PRIM2: variants seen among roughly 807,000 people sequenced by gnomAD.
PRIM2 encodes the protein DNA primase large subunit.
PRIM2 carries 39 observed loss-of-function variants against 67.3 expected under a neutral mutation model. The ratio of observed to expected loss-of-function variants is 0.58; its 90% CI spans 0.45 to 0.76. PRIM2 has a LOEUF of 0.76. PRIM2 is among the 30% of genes least tolerant of loss of function. The pLI is 0.00. For missense variants in PRIM2, 398 were observed against 598.7 expected (o/e 0.66, Z 3.50); for synonymous variants, 143 against 198.7 (o/e 0.72, Z 2.36).
the PRIM2 span, among the ~76,000 whole-genome samples, chr6:57,302,033 A>C: frequency 6.6e-5 from 10 of 152,228 alleles, no homozygotes; most frequent in African/African-American, 2.4e-4. Flanking sequence ...AAGCTAAGAC[A>C]GAACTTTCAG....
the PRIM2 span, among the ~76,000 whole-genome samples, chr6:57,265,074 T>A: frequency 6.6e-6 from 1 of 152,208 alleles, no homozygotes; most frequent in Admixed American, 6.5e-5. Flanking sequence ...GAAAGCAATT[T>A]GTAAGCTGTA....
At chr6:57,534,627 A>T (rs1224862666) in intron 9 of PRIM2, among the ~76,000 whole-genome samples, 1 of 152,182 alleles carries the variant, frequency 6.6e-6, no homozygotes, top group Admixed American at 6.5e-5. Context: ...ATTGAATCAC[A>T]TCAGTCTTCT....
At position 57,452,561 on chromosome 6, in the gene PRIM2, T is replaced by C. The variant is rs1165916201; in HGVS notation, c.694-54826T>C. Among the ~76,000 whole-genome samples, 63 of 152,376 alleles carry C rather than the reference T, an allele frequency of 4.1e-4. 1 individual carries two copies. Among genetic ancestry groups the C allele is most frequent in the African/African-American group, 1.1e-3 (46 of 41,600 alleles). On this transcript the variant is annotated intron_variant, in intron 7 of 13. Coordinates refer to ENST00000615550, the MANE Select transcript of PRIM2 (RefSeq NM_000947.5). ...GATGATGAGCGTTTTTTCATGTGTC[T>C]TTTGGCTGCATAAATGTCTTCTTTT... is the stretch of plus-strand genomic sequence containing the variant.
intron 7 of PRIM2, among the ~76,000 whole-genome samples, chr6:57,477,900 A>G (rs1263490567): frequency 1.3e-5 from 2 of 152,368 alleles, no homozygotes; most frequent in East Asian, 3.9e-4. Flanking sequence ...CTTTTATAGC[A>G]TAGTATTCCC....
At chr6:57,504,329 T>TA (rs1774208367) in intron 7 of PRIM2, among the ~76,000 whole-genome samples, 1 of 152,214 alleles carries the variant, frequency 6.6e-6, no homozygotes, top group Non-Finnish European at 1.5e-5. Flanking sequence ...TATTAGTTGG[T>TA]AAAATGCATT....
the PRIM2 span, among the ~76,000 whole-genome samples, chr6:57,288,893 TCTC>T: frequency 6.6e-6 from 1 of 152,068 alleles, no homozygotes; most frequent in African/African-American, 2.4e-5. Flanking sequence ...GCACACCTCT[TCTC>T]CTCCAAAGGA....
At chr6:57,494,120 T>C (rs1266258315) in intron 7 of PRIM2, among the ~76,000 whole-genome samples, 1 of 152,242 alleles carries the variant, frequency 6.6e-6, no homozygotes, top group African/African-American at 2.4e-5. Context: ...ATGCTTACTT[T>C]ACCCCAACTC....
At chr6:57,444,820 A>G (rs987740312) in intron 7 of PRIM2, among the ~76,000 whole-genome samples, 2 of 151,866 alleles carry the variant, frequency 1.3e-5, no homozygotes, top group Non-Finnish European at 2.9e-5. Context: ...CATAGTATGT[A>G]TTCTGGTTTT....
chr6:57,582,389 G>A (rs1193814045), intron 10 of PRIM2, among the ~76,000 whole-genome samples: 6 of 151,960 alleles, frequency 3.9e-5, no homozygotes, highest in African/African-American at 4.8e-5. Context: ...GTTCCTTGTC[G>A]TGTCCTCAAC....
chr6:57,490,219 C>G (rs1773857602), intron 7 of PRIM2, among the ~76,000 whole-genome samples: 1 of 152,114 alleles, frequency 6.6e-6, no homozygotes, highest in South Asian at 2.1e-4. Context: ...AAAGAGTTAC[C>G]CTTTAAAGGA....
chr6:57,247,769 C>T, the PRIM2 span, among the ~76,000 whole-genome samples: 2 of 152,148 alleles, frequency 1.3e-5, no homozygotes, highest in Non-Finnish European at 2.9e-5. Context: ...CCTTTGGCAA[C>T]TAATTTCTGT....
intron 12 of PRIM2, among the ~76,000 whole-genome samples, chr6:57,616,918 T>C (rs1404732361): frequency 6.6e-6 from 1 of 152,252 alleles, no homozygotes; most frequent in Non-Finnish European, 1.5e-5. Flanking sequence ...ATATAGCATG[T>C]TTACAAGGTT....
chr6:57,321,777 G>A (rs1767667521), intron 3 of PRIM2, among the ~76,000 whole-genome samples: 1 of 152,158 alleles, frequency 6.6e-6, no homozygotes, highest in Non-Finnish European at 1.5e-5. Flanking sequence ...AATTCATACA[G>A]CAGTCTTATG....
the PRIM2 span, among the ~76,000 whole-genome samples, chr6:57,247,111 T>C: frequency 5.3e-5 from 8 of 152,212 alleles, no homozygotes; most frequent in South Asian, 1.5e-3. Flanking sequence ...GCCTTGGCCT[T>C]CCAAAGTGCT....
At chr6:57,304,203 C>G in the PRIM2 span, among the ~76,000 whole-genome samples, 1 of 151,288 alleles carries the variant, frequency 6.6e-6, no homozygotes, top group East Asian at 1.9e-4. Flanking sequence ...TTTTATGAAA[C>G]TTATAAAAAT....
intron 7 of PRIM2, among the ~76,000 whole-genome samples, chr6:57,437,662 CTTTTT>C (rs11315818): frequency 1.6e-5 from 2 of 128,360 alleles, no homozygotes; most frequent in Admixed American, 8.0e-5. Context: ...GGAAGGATTC[CTTTTT>C]TTTTTTTTTT....
At chr6:57,445,870 C>A (rs925807720) in intron 7 of PRIM2, among the ~76,000 whole-genome samples, 19 of 152,260 alleles carry the variant, frequency 1.2e-4, no homozygotes, top group Middle Eastern at 3.4e-3. Flanking sequence ...AGGGGTTGTG[C>A]TTCCTGCAGT....
chr6:57,338,615 C>T lies in PRIM2; in HGVS notation c.459+12570C>T, dbSNP rs577090187. ...AGAAAGACAAAAACCACATGATTAT[C>T]TCAATAGATGCAGAAAAGGCCTTTG... On this transcript the variant is annotated intron_variant, in intron 5 of 13. Transcript: ENST00000615550. 4.5e-3 allele frequency among the ~76,000 whole-genome samples: 678 copies of T among 151,208 alleles called. 6 individuals are homozygous for T. Among genetic ancestry groups the T allele is most frequent in the African/African-American group, 0.016 (641 of 40,994 alleles).
At chr6:57,394,771 C>A (rs2127350065) in intron 7 of PRIM2, among the ~76,000 whole-genome samples, 1 of 152,218 alleles carries the variant, frequency 6.6e-6, no homozygotes, top group African/African-American at 2.4e-5. Flanking sequence ...CAACTTTACC[C>A]CATTCAGTAT....
Sources: gnomAD v4.1 joint callset for allele counts (sites outside exome capture counted in the v4.1 genomes callset) on GRCh38, gnomAD v4.1.1 for gene constraint, MANE v1.5 for transcripts, NCBI Gene and HGNC (gene_info 2026-07-23, HGNC 2026-07-21) for gene names.